The following CAMTA1 variants were observed in gnomAD, a reference collection of about 807,000 sequenced individuals.
CAMTA1 encodes calmodulin-binding transcription activator 1.
CAMTA1 carries 27 observed loss-of-function variants against 170.9 expected under a neutral mutation model. The ratio of observed to expected loss-of-function variants is 0.16; its 90% CI spans 0.12 to 0.22. CAMTA1 has a LOEUF of 0.22. Ranked by LOEUF, CAMTA1 falls within the 10% of genes least tolerant of loss-of-function variation. CAMTA1 has a pLI of 1.00. For synonymous variants in CAMTA1, 833 were observed against 891.5 expected (o/e 0.93, Z 1.17); for missense variants, 1,619 against 2,217.2 (o/e 0.73, Z 5.42).
chr1:7,104,070 TAC>T, intron 4 of CAMTA1, among the ~76,000 whole-genome samples: 1 of 140,506 alleles, frequency 7.1e-6, no homozygotes, highest in East Asian at 2.1e-4. Flanking sequence ...ATGTACACAC[TAC>T]ACAGATGTAC....
intron 5 of CAMTA1, among the ~76,000 whole-genome samples, chr1:7,460,614 C>T (rs555832872): frequency 8.4e-4 from 128 of 151,836 alleles, no homozygotes; most frequent in Admixed American, 3.3e-3. Flanking sequence ...CCCCAGCCTG[C>T]CCCCAGTTCT....
chr1:7,061,387 G>A (rs1278322674), intron 3 of CAMTA1, among the ~76,000 whole-genome samples: 4 of 152,212 alleles, frequency 2.6e-5, no homozygotes, highest in Non-Finnish European at 4.4e-5. Flanking sequence ...GGCTGCTGGC[G>A]AGCGGGTGTC....
intron 3 of CAMTA1, among the ~76,000 whole-genome samples, chr1:6,997,763 C>T (rs1238906761): frequency 1.4e-5 from 2 of 147,700 alleles, no homozygotes; most frequent in South Asian, 2.1e-4. Flanking sequence ...CGGGTTCAAG[C>T]GATTCTCCTG....
At chr1:7,462,763 G>A (rs1255744413) in intron 5 of CAMTA1, among the ~76,000 whole-genome samples, 2 of 152,048 alleles carry the variant, frequency 1.3e-5, no homozygotes, top group Non-Finnish European at 2.9e-5. Context: ...AGTAACCCCC[G>A]AGGCCACCCG....
At chr1:7,034,778 A>G (rs1055948263) in intron 3 of CAMTA1, among the ~76,000 whole-genome samples, 3 of 152,186 alleles carry the variant, frequency 2.0e-5, no homozygotes, top group Non-Finnish European at 4.4e-5. Context: ...ATATCTAGAG[A>G]ACTGATGTTT....
At chr1:7,112,292 C>T (rs1333743485) in intron 4 of CAMTA1, among the ~76,000 whole-genome samples, 2 of 152,162 alleles carry the variant, frequency 1.3e-5, no homozygotes, top group Non-Finnish European at 2.9e-5. Flanking sequence ...CATGGATGGA[C>T]TTTTTTCTTT....
At chr1:6,829,128 C>T (rs547354372) in intron 3 of CAMTA1, among the ~76,000 whole-genome samples, 4 of 152,212 alleles carry the variant, frequency 2.6e-5, no homozygotes, top group East Asian at 3.9e-4. Flanking sequence ...GTCTCGAACT[C>T]CTGACCTCAG....
intron 4 of CAMTA1, among the ~76,000 whole-genome samples, chr1:7,098,066 T>C (rs951123057): frequency 6.6e-6 from 1 of 152,084 alleles, no homozygotes; most frequent in Admixed American, 6.5e-5. Flanking sequence ...TCCTCAGGTA[T>C]TCAGCTGGGC....
At chr1:7,373,847 TC>T (rs1297017716) in intron 5 of CAMTA1, among the ~76,000 whole-genome samples, 1 of 152,176 alleles carries the variant, frequency 6.6e-6, no homozygotes, top group Non-Finnish European at 1.5e-5. Context: ...GGCAGCATTT[TC>T]AGCAGATCTG....
chr1:7,260,278 A>G (rs1223280394), intron 5 of CAMTA1, among the ~76,000 whole-genome samples: 2 of 152,204 alleles, frequency 1.3e-5, no homozygotes, highest in East Asian at 3.8e-4. Flanking sequence ...ACTCATGTTT[A>G]CAGCCGCCTG....
chr1:7,125,096 C>A (rs997980214), intron 4 of CAMTA1, among the ~76,000 whole-genome samples: 16 of 152,138 alleles, frequency 1.1e-4, no homozygotes, highest in African/African-American at 3.9e-4. Flanking sequence ...GTTGTCCCTG[C>A]TCCCTGAGTA....
intron 5 of CAMTA1, among the ~76,000 whole-genome samples, chr1:7,400,979 T>C (rs115907308): frequency 0.011 from 1,606 of 152,358 alleles, 30 homozygotes; most frequent in African/African-American, 0.032. Flanking sequence ...CTCATTTTAT[T>C]CCCTTAATGT....
intron 4 of CAMTA1, among the ~76,000 whole-genome samples, chr1:7,157,496 GAT>G (rs1181624503): frequency 1.3e-5 from 2 of 152,042 alleles, no homozygotes; most frequent in Non-Finnish European, 2.9e-5. Flanking sequence ...ACCAGAATGA[GAT>G]ATAACACACC....
intron 3 of CAMTA1, among the ~76,000 whole-genome samples, chr1:7,079,472 A>ATT (rs33997959): frequency 1.7e-4 from 25 of 150,356 alleles, no homozygotes; most frequent in African/African-American, 4.6e-4. Context: ...AGTGATAAAG[A>ATT]TTTTTTTTTT....
At chr1:6,853,337 T>C (rs1661130557) in intron 3 of CAMTA1, 1 of 152,142 alleles carries the variant, frequency 6.6e-6, no homozygotes, top group Non-Finnish European at 1.5e-5. Context: ...CAGGAAGTGG[T>C]AAAAATATTA....
At chr1:7,071,963 AGTG>A (rs1357716251) in intron 3 of CAMTA1, among the ~76,000 whole-genome samples, 5 of 152,216 alleles carry the variant, frequency 3.3e-5, no homozygotes, top group Non-Finnish European at 7.3e-5. Context: ...TGATTTCCCC[AGTG>A]GTGAAGATGG....
chr1:7,498,981 T>C (rs2093904705), intron 6 of CAMTA1, among the ~76,000 whole-genome samples: 1 of 132,788 alleles, frequency 7.5e-6, no homozygotes. Flanking sequence ...GAGTCTGGTG[T>C]GCGTGTGTAT....
chr1:7,420,200 G>A lies in CAMTA1; in HGVS notation c.439-47630G>A, dbSNP rs576970600. On this transcript the variant is annotated intron_variant, in intron 5 of 22. Transcript: ENST00000303635. ...TTCACACTCACGAGCCCATCCACCTGGAGCACCTGCCCGGTCCTGCACACT... is the reference window on the plus strand; with the variant it reads ...TTCACACTCACGAGCCCATCCACCTAGAGCACCTGCCCGGTCCTGCACACT... 1.1e-4 allele frequency among the ~76,000 whole-genome samples: 17 copies of A among 152,144 alleles called. No homozygotes were observed. In the South Asian group the frequency reaches 2.7e-3, roughly 24 times the overall value.
rs889725011 is a variant in CAMTA1, at chr1:7,685,698, G to A, written c.2914+7965G>A. Among the ~76,000 whole-genome samples the A allele has an allele frequency of 3.3e-5, 5 of 152,226 alleles. No individual in the cohort carries two copies. The highest frequency in any genetic ancestry group is 2.1e-4 in the South Asian group (1 of 4,812). ...GAGGGCTTCTTCCCAGCCAGGGCTC[G>A]CTCTCCCACCTACTAGGGTGCAGGG... On this transcript the variant is annotated intron_variant, in intron 11 of 22. Transcript: ENST00000303635. The surrounding 1 kb of genome is among the most constrained non-coding windows in gnomAD (Gnocchi z 5.7).
Sources: gnomAD v4.1 joint callset for allele counts (sites outside exome capture counted in the v4.1 genomes callset) on GRCh38, gnomAD v4.1.1 for gene constraint, Gnocchi (gnomAD v3.1) non-coding constraint, MANE v1.5 for transcripts, NCBI Gene and HGNC (gene_info 2026-07-23, HGNC 2026-07-21) for gene names.